MYO5B: variants seen among roughly 807,000 people sequenced by gnomAD.
MYO5B encodes unconventional myosin-Vb.
A neutral mutation model predicts 229.3 loss-of-function variants in MYO5B; 143 were observed. The observed-to-expected ratio is 0.62, with a 90% CI of 0.54 to 0.72. The LOEUF (loss-of-function observed/expected upper bound fraction) is 0.72, where lower values mean the gene tolerates loss of function less well. Ranked by LOEUF, MYO5B falls within the 30% of genes least tolerant of loss-of-function variation. The probability of loss-of-function intolerance (pLI) is 0.00; values close to 1 mark genes in which losing one functional copy is unlikely to be tolerated. For missense variants in MYO5B, 2,321 were observed against 2,331.0 expected (o/e 1.00, Z 0.09); for synonymous variants, 918 against 885.2 (o/e 1.04, Z -0.66).
chr18:49,978,245 CACAA>C (rs1229031171), intron 9 of MYO5B, among the ~76,000 whole-genome samples: 2 of 152,190 alleles, frequency 1.3e-5, no homozygotes, highest in African/African-American at 2.4e-5. Flanking sequence ...ACTATCTCCA[CACAA>C]ACACTCAGTG....
At chr18:50,172,528 T>C (rs2144334969) in intron 1 of MYO5B, among the ~76,000 whole-genome samples, 1 of 152,340 alleles carries the variant, frequency 6.6e-6, no homozygotes, top group Middle Eastern at 3.4e-3. Context: ...AGTGGGTGGA[T>C]GACTCTCCCT....
chr18:49,878,970 A>C lies in MYO5B; in HGVS notation c.3251T>G (p.Leu1084Arg). Residue 1084 changes from leucine (L) to arginine (R), a missense_variant, in exon 24 of 40, where the codon CTT (leucine) becomes CGT (arginine). By Grantham distance (102) the Leu-to-Arg change is moderately radical. This residue lies in a region of MYO5B where 2,113 missense variants were observed against 2,044.7 expected (regional missense o/e 1.03). Transcript: ENST00000285039. The part of the protein sequence containing the change: ...YSQLEQRYDN[L>R]RDEMTIIKQT... ...CTTTATGATGGTCATTTCATCCCGA[A>C]GGTTGTCGTATCTCTGCTCCAACTG... 1 of 1,614,130 alleles carries C rather than the reference A, an allele frequency of 6.2e-7. No homozygotes were observed. The highest frequency in any genetic ancestry group is 8.5e-7 in the Non-Finnish European group (1 of 1,180,024).
At chr18:50,145,591 G>A (rs1599055137) in intron 1 of MYO5B, among the ~76,000 whole-genome samples, 1 of 150,530 alleles carries the variant, frequency 6.6e-6, no homozygotes, top group East Asian at 2.0e-4. Flanking sequence ...AAATGCTGAT[G>A]GGAAGACTTT....
At chr18:49,842,329 G>A (rs1378513145) in intron 34 of MYO5B, among the ~76,000 whole-genome samples, 1 of 152,150 alleles carries the variant, frequency 6.6e-6, no homozygotes, top group East Asian at 1.9e-4. Context: ...AGCCGTGAGT[G>A]GATAAAATTG....
At chr18:50,187,411 G>T (rs1003278795) in intron 1 of MYO5B, among the ~76,000 whole-genome samples, 36 of 152,144 alleles carry the variant, frequency 2.4e-4, no homozygotes, top group Non-Finnish European at 4.1e-4. Flanking sequence ...GAAAGGCACA[G>T]CATTTATGAT....
At chr18:50,147,926 T>TA (rs1244294144) in intron 1 of MYO5B, among the ~76,000 whole-genome samples, 2 of 151,870 alleles carry the variant, frequency 1.3e-5, no homozygotes, top group Middle Eastern at 3.4e-3. Flanking sequence ...TGGAAATTGA[T>TA]AGACCACTAG....
At chr18:49,981,816 T>G (rs2025818270) in intron 8 of MYO5B, among the ~76,000 whole-genome samples, 1 of 152,088 alleles carries the variant, frequency 6.6e-6, no homozygotes, top group Admixed American at 6.5e-5. Flanking sequence ...ACCAAAGAAT[T>G]TAAGCGTCCA....
chr18:50,052,123 C>T (rs935311596), intron 2 of MYO5B, among the ~76,000 whole-genome samples: 2 of 152,094 alleles, frequency 1.3e-5, no homozygotes, highest in Non-Finnish European at 2.9e-5. Flanking sequence ...TAAACTAGTT[C>T]GACCATTGTG....
In MYO5B at chr18:49,825,088, A is replaced by G. The variant is rs2023825643; in HGVS notation, c.*1383T>C. 1 of 152,242 alleles carries G rather than the reference A, an allele frequency of 6.6e-6. No individual in the cohort carries two copies. Among genetic ancestry groups the G allele is most frequent in the Non-Finnish European group, 1.5e-5 (1 of 68,038 alleles). The allele number at this position is 152,242 out of a possible 1,614,324, so 9.4% of individuals were successfully genotyped here. A position where few individuals can be genotyped will look rare whatever the true frequency, so the allele number is the denominator to read the frequency against. On this transcript the variant is annotated 3_prime_UTR_variant, in exon 40 of 40. Coordinates refer to ENST00000285039, the MANE Select transcript of MYO5B (RefSeq NM_001080467.3). ...GGATAAATCTTATTTTCTCAATGTAATACAGAGGCTGTTCTTCCATGATTT... is the reference window on the plus strand; with the variant it reads ...GGATAAATCTTATTTTCTCAATGTAGTACAGAGGCTGTTCTTCCATGATTT...
chr18:49,845,892 C>A (rs1449505790), intron 33 of MYO5B, among the ~76,000 whole-genome samples: 1 of 152,222 alleles, frequency 6.6e-6, no homozygotes, highest in African/African-American at 2.4e-5. Context: ...ACAGGTCACA[C>A]AGACTCCCTC....
chr18:49,887,961 C>T (rs916606772), intron 22 of MYO5B, among the ~76,000 whole-genome samples: 1 of 152,140 alleles, frequency 6.6e-6, no homozygotes, highest in Non-Finnish European at 1.5e-5. Flanking sequence ...GCTGGGATTA[C>T]AGACATGAGC....
In MYO5B at chr18:49,980,349, A is replaced by G. The variant is rs2025800138; in HGVS notation, c.1056+95T>C. 3.3e-6 allele frequency: 3 copies of G among 902,602 alleles called. No homozygotes were observed. The Admixed American group carries it at 5.4e-5, about 16-fold the overall frequency. 55.9% of individuals were successfully genotyped at this position (902,602 alleles called of 1,614,324 possible). The stretch of plus-strand genomic sequence containing the variant: ...CATTACTGTTAAGAATAAATAACCT[A>G]TGAGTGTCCTCTAACTGGAAAGACA... On this transcript the variant is annotated intron_variant, in intron 9 of 39. Coordinates refer to ENST00000285039, the MANE Select transcript of MYO5B (RefSeq NM_001080467.3).
At chr18:50,011,541 C>T (rs2026160831) in intron 4 of MYO5B, among the ~76,000 whole-genome samples, 1 of 152,112 alleles carries the variant, frequency 6.6e-6, no homozygotes, top group Non-Finnish European at 1.5e-5. Context: ...TCTTTAGCTC[C>T]CCACCAATCT....
At position 50,013,888 on chromosome 18, in the gene MYO5B, C is replaced by T. The variant is rs564905462; in HGVS notation, c.456-12477G>A. On this transcript the variant is annotated intron_variant, in intron 4 of 39. Transcript: ENST00000285039. ...CAGGACCCAGTGCTGCTCCTTCCCC[C>T]TCCACTGCCTAGCCCAGCAGAGGGG... is the stretch of plus-strand genomic sequence containing the variant. Among the ~76,000 whole-genome samples the T allele has an allele frequency of 2.0e-3, 305 of 152,296 alleles. 1 individual carries two copies. Among genetic ancestry groups the T allele is most frequent in the African/African-American group, 6.9e-3 (285 of 41,566 alleles).
At chr18:49,979,045 G>T (rs2025785403) in intron 9 of MYO5B, among the ~76,000 whole-genome samples, 1 of 152,138 alleles carries the variant, frequency 6.6e-6, no homozygotes, top group Non-Finnish European at 1.5e-5. Flanking sequence ...AAGACACTGG[G>T]ACAATACATC....
chr18:50,042,577 C>T (rs1453144691), intron 2 of MYO5B, among the ~76,000 whole-genome samples: 2 of 152,128 alleles, frequency 1.3e-5, no homozygotes, highest in Admixed American at 1.3e-4. Flanking sequence ...AAGGTGGGAA[C>T]AGGGGGAAAT....
intron 1 of MYO5B, among the ~76,000 whole-genome samples, chr18:50,128,617 G>A (rs1162528110): frequency 6.6e-6 from 1 of 152,128 alleles, no homozygotes; most frequent in Admixed American, 6.5e-5. Flanking sequence ...ACACTCCCTT[G>A]GATTTATCAA....
At chr18:49,856,479 G>A (rs147304786) in intron 30 of MYO5B, among the ~76,000 whole-genome samples, 11 of 152,294 alleles carry the variant, frequency 7.2e-5, no homozygotes, top group African/African-American at 2.6e-4. Flanking sequence ...TTCCCCAGAG[G>A]TATGTTTCCT....
At chr18:50,115,890 C>T (rs889076493) in intron 1 of MYO5B, among the ~76,000 whole-genome samples, 1 of 152,052 alleles carries the variant, frequency 6.6e-6, no homozygotes, top group Non-Finnish European at 1.5e-5. Context: ...CTGTTAATGG[C>T]TGCTTGCCTT....
Sources: allele counts gnomAD v4.1 joint callset (sites outside exome capture counted in the v4.1 genomes callset), GRCh38; gene constraint gnomAD v4.1.1; regional missense constraint gnomAD v4.1.1; transcripts MANE v1.5; gene names NCBI Gene and HGNC (gene_info 2026-07-23, HGNC 2026-07-21).